The following ASTN1 variants were observed in gnomAD, a reference collection of about 807,000 sequenced individuals.
The protein encoded by ASTN1 is astrotactin 1.
In ASTN1, 41 loss-of-function variants were observed where a neutral mutation model predicts 140.7. The observed-to-expected ratio is 0.29, with a 90% CI of 0.23 to 0.38. The LOEUF is 0.38. ASTN1 is among the 10% of genes least tolerant of loss of function. The pLI is 1.00. For missense variants in ASTN1, 1,479 were observed against 1,678.8 expected, an observed-to-expected ratio of 0.88 and a Z score of 2.08; for synonymous variants, 640 against 652.2, an observed-to-expected ratio of 0.98 and a Z score of 0.29.
chr1:177,056,749 T>C (rs531559229), intron 2 of ASTN1, among the ~76,000 whole-genome samples: 5 of 152,158 alleles, frequency 3.3e-5, no homozygotes, highest in East Asian at 1.9e-4. Context: ...TAAACTCGTT[T>C]GCGTACTTTA....
At chr1:177,027,782 A>G (rs1676205466) in intron 5 of ASTN1, among the ~76,000 whole-genome samples, 1 of 150,618 alleles carries the variant, frequency 6.6e-6, no homozygotes, top group Non-Finnish European at 1.5e-5. Flanking sequence ...ATATACATAT[A>G]TATAAAACCT....
chr1:177,139,171 T>C (rs1682344596), intron 1 of ASTN1, among the ~76,000 whole-genome samples: 1 of 151,832 alleles, frequency 6.6e-6, no homozygotes, highest in African/African-American at 2.4e-5. Flanking sequence ...ACAAGGGTGC[T>C]AAAAAAAAGA....
chr1:177,075,129 A>T (rs2102063035), intron 1 of ASTN1, among the ~76,000 whole-genome samples: 1 of 152,186 alleles, frequency 6.6e-6, no homozygotes, highest in East Asian at 1.9e-4. Context: ...GCTGGAGTGC[A>T]ATGGCGTGAT....
At chr1:177,082,992 T>A (rs1679253960) in intron 1 of ASTN1, among the ~76,000 whole-genome samples, 1 of 152,202 alleles carries the variant, frequency 6.6e-6, no homozygotes, top group Non-Finnish European at 1.5e-5. Flanking sequence ...CCCAAATTCC[T>A]ATTAAACCCA....
chr1:177,079,294 C>T (rs1679068212), intron 1 of ASTN1, among the ~76,000 whole-genome samples: 1 of 152,156 alleles, frequency 6.6e-6, no homozygotes, highest in African/African-American at 2.4e-5. Context: ...CTGATGTCTT[C>T]CCAGGTCCCA....
chr1:177,002,732 G>A (rs928410046), intron 8 of ASTN1, among the ~76,000 whole-genome samples: 4 of 152,072 alleles, frequency 2.6e-5, no homozygotes, highest in African/African-American at 9.7e-5. Flanking sequence ...CATTGTACTG[G>A]CATAGGAAGA....
At chr1:177,048,950 T>C (rs762990383) in intron 2 of ASTN1, among the ~76,000 whole-genome samples, 1 of 152,196 alleles carries the variant, frequency 6.6e-6, no homozygotes, top group East Asian at 1.9e-4. Context: ...GGGGATGTGA[T>C]AGCTCCCTCC....
At chr1:177,123,696 T>G (rs929020029) in intron 1 of ASTN1, among the ~76,000 whole-genome samples, 2 of 152,188 alleles carry the variant, frequency 1.3e-5, no homozygotes, top group African/African-American at 4.8e-5. Context: ...GGGTTCTCGA[T>G]AGCAGACTTT....
chr1:177,069,226 A>C (rs954384855), intron 1 of ASTN1, among the ~76,000 whole-genome samples: 19 of 152,176 alleles, frequency 1.2e-4, no homozygotes, highest in African/African-American at 4.6e-4. Context: ...ATGCTTCCAA[A>C]TAATTTTCAA....
rs571798970 is a variant in ASTN1, at chr1:176,939,199, C to A, written c.2378-2829G>T. ...GGCCTCCACAATGTTATCATCTTCA[C>A]CCTCCCTACCTCTCTCTCATCATAC... On this transcript the variant is annotated intron_variant, in intron 14 of 22. Transcript: ENST00000361833. Among the ~76,000 whole-genome samples the A allele has an allele frequency of 2.6e-5, 4 of 152,246 alleles. No individual in the cohort carries two copies. In the South Asian group the frequency reaches 8.3e-4, roughly 32 times the overall value.
At position 177,114,565 on chromosome 1, in the gene ASTN1, A is replaced by G. The variant is rs227529; in HGVS notation, c.283+49829T>C. On this transcript the variant is annotated intron_variant, in intron 1 of 22. Coordinates refer to ENST00000361833, the MANE Select transcript of ASTN1 (RefSeq NM_004319.3). ...AATGGAAACATGGCAAAACAACAGC[A>G]CAATATTACAACCAGGTGATAGACA... Among the ~76,000 whole-genome samples the G allele has an allele frequency of 7.3e-3, 1,118 of 152,288 alleles. 17 individuals are homozygous for G. Among genetic ancestry groups the G allele is most frequent in the African/African-American group, 0.026 (1,067 of 41,552 alleles).
At chr1:176,996,726 G>A (rs1674469898) in intron 8 of ASTN1, among the ~76,000 whole-genome samples, 1 of 152,172 alleles carries the variant, frequency 6.6e-6, no homozygotes, top group South Asian at 2.1e-4. Context: ...CAGAGTCTTT[G>A]ATGATGTGCT....
At chr1:176,909,079 C>A (rs1670117205) in intron 16 of ASTN1, among the ~76,000 whole-genome samples, 1 of 152,126 alleles carries the variant, frequency 6.6e-6, no homozygotes, top group South Asian at 2.1e-4. Context: ...ACTTGCCCCC[C>A]AAAATGTGGC....
At chr1:177,005,979 C>T (rs540598299) in intron 8 of ASTN1, among the ~76,000 whole-genome samples, 2 of 152,266 alleles carry the variant, frequency 1.3e-5, no homozygotes, top group South Asian at 4.1e-4. Flanking sequence ...AGTTGTAATG[C>T]ATTAAATATG....
intron 2 of ASTN1, among the ~76,000 whole-genome samples, chr1:177,043,921 C>A (rs1295749537): frequency 2.6e-5 from 4 of 152,010 alleles, no homozygotes; most frequent in African/African-American, 9.7e-5. Context: ...TCTTATTTCT[C>A]CCTCTTTAAA....
chr1:177,014,840 G>C lies in ASTN1; in HGVS notation c.1474C>G (p.Pro492Ala). 1 of 1,613,852 alleles carries C rather than the reference G, an allele frequency of 6.2e-7. No individual in the cohort carries two copies. Residue 492 changes from proline to alanine, a missense_variant, in exon 8 of 23, where the codon CCA (proline) becomes GCA (alanine). Physicochemically the swap from Pro to Ala is conservative, Grantham distance 27 (BLOSUM62 -1). Transcript: ENST00000361833. Reference protein sequence around the residue: ...CLCYEGYMKDPVHKHLCIRNE... With the variant: ...CLCYEGYMKDAVHKHLCIRNE... ...CGAATGCAAAGGTGCTTATGTACTG[G>C]ATCCTTCATGTAGCCTTCATAGCAG...
intron 2 of ASTN1, among the ~76,000 whole-genome samples, chr1:177,058,805 A>G (rs1253540875): frequency 1.4e-5 from 2 of 145,730 alleles, no homozygotes; most frequent in African/African-American, 5.1e-5. Context: ...CAGTATACCC[A>G]CCCCCACAAA....
intron 8 of ASTN1, among the ~76,000 whole-genome samples, chr1:177,000,536 A>G (rs1674677615): frequency 6.6e-6 from 1 of 152,228 alleles, no homozygotes; most frequent in Non-Finnish European, 1.5e-5. Flanking sequence ...ACATGTAGCC[A>G]GCCTGTATAT....
intron 9 of ASTN1, among the ~76,000 whole-genome samples, chr1:176,960,216 T>A (rs981256237): frequency 6.6e-6 from 1 of 152,194 alleles, no homozygotes; most frequent in Non-Finnish European, 1.5e-5. Flanking sequence ...ATAATGGACA[T>A]CCTTGAGTTA....
Sources: allele counts gnomAD v4.1 joint callset (sites outside exome capture counted in the v4.1 genomes callset), GRCh38; gene constraint gnomAD v4.1.1; transcripts MANE v1.5; gene names NCBI Gene and HGNC (gene_info 2026-07-23, HGNC 2026-07-21).